HDAC4: variants seen among roughly 807,000 people sequenced by gnomAD.
The protein encoded by HDAC4 is histone deacetylase 4.
Under a neutral mutation model 135.1 loss-of-function variants are expected in HDAC4, and 16 were observed. The observed-to-expected ratio is 0.12, with a 90% confidence interval of 0.08 to 0.18. HDAC4 has a LOEUF of 0.18. Ranked by LOEUF, HDAC4 falls within the 10% of genes least tolerant of loss-of-function variation. The pLI is 1.00. For missense variants in HDAC4, 1,143 were observed against 1,511.8 expected (o/e 0.76, Z 4.05); for synonymous variants, 685 against 653.4 (o/e 1.05, Z -0.74).
chr2:239,299,192 C>G lies in HDAC4; in HGVS notation c.22+53486G>C, dbSNP rs1174126260. Among the ~76,000 whole-genome samples, 1 of 152,106 alleles carries G rather than the reference C, an allele frequency of 6.6e-6. No homozygotes were observed. Among genetic ancestry groups the G allele is most frequent in the African/African-American group, 2.4e-5 (1 of 41,404 alleles). ...TCATAGCCTACCTTATTCCAAATAT[C>G]CAAAACCTGGAACTGGGGGCAGCCT... On this transcript the variant is annotated intron_variant, in intron 2 of 26. Transcript: ENST00000543185. This position sits in a 1 kb window ranked among gnomAD's most constrained non-coding sequence, Gnocchi z 4.0.
intron 16 of HDAC4, among the ~76,000 whole-genome samples, chr2:239,099,737 A>G (rs748147813): frequency 5.3e-5 from 8 of 152,136 alleles, no homozygotes; most frequent in Non-Finnish European, 1.0e-4. Context: ...CTCCCCAAGG[A>G]GCGCGTGCCC....
intron 6 of HDAC4, chr2:239,162,451 G>A: frequency 2.4e-6 from 1 of 416,776 alleles, no homozygotes; most frequent in South Asian, 1.7e-5. Context: ...CCCACGCCCT[G>A]CCCCAGCCAG....
chr2:239,097,392 C>T (rs969158918), intron 16 of HDAC4, among the ~76,000 whole-genome samples: 8 of 152,374 alleles, frequency 5.3e-5, no homozygotes, highest in African/African-American at 1.4e-4. Flanking sequence ...CTACTTCCTC[C>T]GTGTCCATGG....
chr2:239,312,282 C>G (rs945350551), intron 2 of HDAC4, among the ~76,000 whole-genome samples: 2 of 152,174 alleles, frequency 1.3e-5, no homozygotes, highest in Non-Finnish European at 2.9e-5. Flanking sequence ...ACCATCACCA[C>G]AGCCTTGGTG....
intron 11 of HDAC4, among the ~76,000 whole-genome samples, chr2:239,127,009 A>C (rs890940603): frequency 3.0e-4 from 45 of 152,106 alleles, no homozygotes; most frequent in Non-Finnish European, 6.2e-4. Context: ...TGGCTACCAC[A>C]CAATTGTTCC....
intron 1 of HDAC4, among the ~76,000 whole-genome samples, chr2:239,390,477 G>C (rs1354311238): frequency 6.6e-6 from 1 of 152,192 alleles, no homozygotes. Context: ...AGGTTGCAGT[G>C]AGTGGTGATT....
At chr2:239,109,303 G>A (rs1208236764) in intron 14 of HDAC4, among the ~76,000 whole-genome samples, 3 of 152,210 alleles carry the variant, frequency 2.0e-5, no homozygotes, top group African/African-American at 7.2e-5. Flanking sequence ...GGGGCGCACG[G>A]TGAAGAGCCT....
At chr2:239,078,726 C>T (rs368602547) in intron 22 of HDAC4, among the ~76,000 whole-genome samples, 42 of 152,308 alleles carry the variant, frequency 2.8e-4, no homozygotes, top group South Asian at 1.9e-3. Flanking sequence ...GTGACCCTGA[C>T]GGCAGACGCC....
intron 23 of HDAC4, among the ~76,000 whole-genome samples, chr2:239,067,544 A>G (rs1408351505): frequency 6.6e-6 from 1 of 152,202 alleles, no homozygotes; most frequent in African/African-American, 2.4e-5. Context: ...AGCTGTGCGG[A>G]CTGAGGAGGA....
intron 3 of HDAC4, among the ~76,000 whole-genome samples, chr2:239,234,470 G>C (rs2047767004): frequency 6.6e-6 from 1 of 152,184 alleles, no homozygotes; most frequent in South Asian, 2.1e-4. Context: ...GGCTGCAGGA[G>C]AGGTCCAGGC....
intron 4 of HDAC4, among the ~76,000 whole-genome samples, chr2:239,184,062 G>A (rs1472057682): frequency 5.1e-5 from 5 of 98,406 alleles, no homozygotes; most frequent in Non-Finnish European, 9.2e-5. Context: ...GGCCAGCCTT[G>A]CTAGTGTAAA....
At chr2:239,366,246 GAC>G (rs1371791847) in intron 1 of HDAC4, among the ~76,000 whole-genome samples, 3 of 151,588 alleles carry the variant, frequency 2.0e-5, no homozygotes, top group Non-Finnish European at 4.4e-5. Context: ...GGCACTGGCG[GAC>G]ACACACAAAC....
chr2:239,087,013 G>GGGAT (rs2036037369), intron 19 of HDAC4, among the ~76,000 whole-genome samples: 1 of 152,160 alleles, frequency 6.6e-6, no homozygotes, highest in South Asian at 2.1e-4. Flanking sequence ...TGGACACACA[G>GGGAT]GGATGGATCC....
Position 239,108,137 on chromosome 2 carries a change from C to G in HDAC4, c.2025G>C (p.Gly675=), listed in dbSNP as rs2038324958. The part of the protein sequence containing the change: ...TLMLKHQCTC[G]SSSSHPEHAG... ...CGTGCTCGGGGTGGCTGCTGCTACT[C>G]CCGCAGGTGCACTGGTGCTTCAGCA... The change falls in exon 15 of 27, where the codon GGG becomes GGC. Residue 675 remains glycine (G), a synonymous_variant. Transcript: ENST00000543185. 1 of 1,607,210 alleles carries G rather than the reference C, an allele frequency of 6.2e-7. No individual in the cohort carries two copies. The highest frequency in any genetic ancestry group is 1.1e-5 in the South Asian group (1 of 90,262).
At chr2:239,296,166 G>A (rs972122533) in intron 2 of HDAC4, among the ~76,000 whole-genome samples, 1 of 152,204 alleles carries the variant, frequency 6.6e-6, no homozygotes, top group Admixed American at 6.5e-5. Context: ...CCGTGTCCTT[G>A]AGCACTCTGC....
intron 2 of HDAC4, among the ~76,000 whole-genome samples, chr2:239,251,998 C>A (rs1253551878): frequency 6.6e-6 from 1 of 152,156 alleles, no homozygotes; most frequent in Non-Finnish European, 1.5e-5. Context: ...ACAGTGATTT[C>A]TTTGTATTGC....
rs767972175 is a variant in HDAC4, at chr2:239,367,012, A to G, written c.-219-14094T>C. ...ATGCCTGAAAGCCTCCGTCACTGAC[A>G]GGCACTTGCGGATGGAAAACAACCC... On this transcript the variant is annotated intron_variant, in intron 1 of 26. Coordinates refer to ENST00000543185, the MANE Select transcript of HDAC4 (RefSeq NM_001378414.1). 8.6e-5 allele frequency among the ~76,000 whole-genome samples: 13 copies of G among 151,510 alleles called. 2 individuals are homozygous for G. The highest frequency in any genetic ancestry group is 2.7e-4 in the African/African-American group (11 of 40,768).
intron 2 of HDAC4, among the ~76,000 whole-genome samples, chr2:239,288,402 G>A (rs980387434): frequency 1.3e-5 from 2 of 152,190 alleles, no homozygotes; most frequent in African/African-American, 4.8e-5. Context: ...GACGACAGAA[G>A]GAAGTCCAGT....
intron 7 of HDAC4, 64 bp from the exon 8 acceptor site, chr2:239,144,778 G>C: frequency 1.3e-6 from 2 of 1,582,990 alleles, no homozygotes; most frequent in Non-Finnish European, 1.7e-6. Context: ...TATCCTGTTG[G>C]TGGTTTTTTA....
Sources: allele counts gnomAD v4.1 joint callset (sites outside exome capture counted in the v4.1 genomes callset), GRCh38; gene constraint gnomAD v4.1.1; non-coding constraint Gnocchi (gnomAD v3.1); transcripts MANE v1.5; gene names NCBI Gene and HGNC (gene_info 2026-07-23, HGNC 2026-07-21).